Variants in EAF2 observed in about 807,000 individuals in gnomAD.
EAF2 encodes the protein ELL associated factor 2, also known as ELL-associated factor 2.
Under a neutral mutation model 29.4 loss-of-function variants are expected in EAF2, and 29 were observed. The ratio of observed to expected loss-of-function variants is 0.99; its 90% CI spans 0.73 to 1.35. The LOEUF (loss-of-function observed/expected upper bound fraction) is 1.35, where lower values mean the gene tolerates loss of function less well. Among genes scored for constraint, EAF2 ranks in the 40% most tolerant of loss-of-function variants. The probability of loss-of-function intolerance (pLI) is 0.00; values close to 1 mark genes in which losing one functional copy is unlikely to be tolerated. For synonymous variants in EAF2, 103 were observed against 102.5 expected, an observed-to-expected ratio of 1.00 and a Z score of -0.03; for missense variants, 292 against 312.0, an observed-to-expected ratio of 0.94 and a Z score of 0.48.
chr3:121,857,551 C>G (rs1230677967), intron 4 of EAF2, among the ~76,000 whole-genome samples: 2 of 151,170 alleles, frequency 1.3e-5, no homozygotes, highest in Non-Finnish European at 2.9e-5. Context: ...AACAGTGGTA[C>G]TAATTATAAA....
At chr3:121,855,007 C>T (rs138727318) in intron 3 of EAF2, among the ~76,000 whole-genome samples, 184 bp downstream of exon 3, 18 of 152,220 alleles carry the variant, frequency 1.2e-4, no homozygotes, top group African/African-American at 4.3e-4. Context: ...CCACATTACC[C>T]TGTGATATAT....
At chr3:121,851,962 G>C (rs1397314731) in intron 2 of EAF2, among the ~76,000 whole-genome samples, 2 of 152,114 alleles carry the variant, frequency 1.3e-5, no homozygotes, top group African/African-American at 4.8e-5. Context: ...TTAAAAGTTA[G>C]GAATGGTGTT....
chr3:121,879,603 CT>C (rs1709156928), intron 5 of EAF2, among the ~76,000 whole-genome samples: 1 of 117,850 alleles, frequency 8.5e-6, no homozygotes, highest in African/African-American at 3.0e-5. Flanking sequence ...TTTTTCTTTT[CT>C]TTTCTTTCTT....
intron 4 of EAF2, among the ~76,000 whole-genome samples, chr3:121,862,339 G>A (rs1454862044): frequency 6.6e-6 from 1 of 152,248 alleles, no homozygotes; most frequent in East Asian, 1.9e-4. Flanking sequence ...TTTTCACATT[G>A]TCCCGTATTC....
chr3:121,868,325 G>A (rs1427818853), intron 4 of EAF2, among the ~76,000 whole-genome samples: 2 of 152,134 alleles, frequency 1.3e-5, no homozygotes, highest in Admixed American at 6.5e-5. Context: ...TAGGCCAGGC[G>A]CAGTGGCTCA....
chr3:121,840,515 A>AAAAAAAAAAAAAAAAAAAAC (rs1167466790), intron 1 of EAF2, among the ~76,000 whole-genome samples: 14 of 97,952 alleles, frequency 1.4e-4, no homozygotes, highest in South Asian at 3.5e-4. Flanking sequence ...AAAAGAAAAA[A>AAAAAAAAAAAAAAAAAAAAC]AAAAAACGGG....
At position 121,848,663 on chromosome 3, in the gene EAF2, G is replaced by T. The variant is rs568315537; in HGVS notation, c.201+4116G>T. 2.0e-5 allele frequency among the ~76,000 whole-genome samples: 3 copies of T among 152,152 alleles called. No individual in the cohort carries two copies. In the East Asian group the frequency reaches 5.8e-4, roughly 29 times the overall value. The stretch of plus-strand genomic sequence containing the variant: ...CATATAGCTTTGGGATTTTGAATTG[G>T]TAAATATTCATGATGTGTGAAAAAT... On this transcript the variant is annotated intron_variant, in intron 2 of 5. Coordinates refer to ENST00000273668, the MANE Select transcript of EAF2 (RefSeq NM_018456.6).
chr3:121,873,149 G>A (rs1414945343), intron 5 of EAF2: 8 of 628,248 alleles, frequency 1.3e-5, no homozygotes, highest in African/African-American at 5.6e-5. Flanking sequence ...CAATACTTAT[G>A]TGTAGGTAAC....
At chr3:121,885,058 T>G (rs1182834710) in intron 5 of EAF2, among the ~76,000 whole-genome samples, 1 of 152,200 alleles carries the variant, frequency 6.6e-6, no homozygotes, top group Non-Finnish European at 1.5e-5. Context: ...ATTTGGGTAT[T>G]TACTAGGTAT....
At chr3:121,883,777 A>G (rs1709230389) in intron 5 of EAF2, among the ~76,000 whole-genome samples, 2 of 152,226 alleles carry the variant, frequency 1.3e-5, no homozygotes, top group Admixed American at 1.3e-4. Context: ...ATATATTTCT[A>G]TGGGTAAACT....
chr3:121,868,962 T>C (rs974345601), intron 4 of EAF2, among the ~76,000 whole-genome samples: 3 of 152,180 alleles, frequency 2.0e-5, no homozygotes, highest in African/African-American at 7.2e-5. Context: ...ATAGACCATA[T>C]CCTGGGCCAT....
intron 1 of EAF2, chr3:121,836,206 G>A (rs1708276297): frequency 6.6e-6 from 1 of 152,188 alleles, no homozygotes; most frequent in South Asian, 2.1e-4. Context: ...GAGCGGGAAG[G>A]AAACTTCAAG....
intron 5 of EAF2, among the ~76,000 whole-genome samples, chr3:121,874,797 A>G (rs754624242): frequency 4.6e-5 from 7 of 151,992 alleles, no homozygotes; most frequent in Non-Finnish European, 1.0e-4. Flanking sequence ...AAACCCAGAC[A>G]TGGCCAGAAT....
chr3:121,882,597 A>G (rs951253687), intron 5 of EAF2, among the ~76,000 whole-genome samples: 1 of 152,046 alleles, frequency 6.6e-6, no homozygotes, highest in Non-Finnish European at 1.5e-5. Flanking sequence ...ATGATATAAG[A>G]ATTGGAAACA....
chr3:121,839,983 A>G (rs1256992941), intron 1 of EAF2, among the ~76,000 whole-genome samples: 1 of 150,510 alleles, frequency 6.6e-6, no homozygotes, highest in Non-Finnish European at 1.5e-5. Context: ...CACGAAAGTC[A>G]GCAATTCAAG....
intron 1 of EAF2, among the ~76,000 whole-genome samples, chr3:121,843,587 A>C (rs7627354): frequency 0.37 from 56,000 of 151,892 alleles, 10,847 homozygotes; most frequent in African/African-American, 0.43. Flanking sequence ...TGTATATATA[A>C]CACAGGGAAC....
At chr3:121,858,451 G>A (rs1322212303) in intron 4 of EAF2, among the ~76,000 whole-genome samples, 9 of 152,194 alleles carry the variant, frequency 5.9e-5, no homozygotes, top group Admixed American at 5.2e-4. Context: ...GTGTCTGTTG[G>A]CTGCATAAAT....
At chr3:121,850,729 C>G (rs1429146592) in intron 2 of EAF2, among the ~76,000 whole-genome samples, 1 of 152,156 alleles carries the variant, frequency 6.6e-6, no homozygotes, top group Non-Finnish European at 1.5e-5. Context: ...CGGAGTCTCA[C>G]TCTGTCACCC....
chr3:121,877,205 ATG>A (rs938477789), intron 5 of EAF2, among the ~76,000 whole-genome samples: 14 of 151,672 alleles, frequency 9.2e-5, no homozygotes, highest in Admixed American at 2.0e-4. Context: ...TTCACTATGT[ATG>A]TGTGTGTGTG....
Sources: allele counts gnomAD v4.1 joint callset (sites outside exome capture counted in the v4.1 genomes callset), GRCh38; gene constraint gnomAD v4.1.1; transcripts MANE v1.5; gene names NCBI Gene and HGNC (gene_info 2026-07-23, HGNC 2026-07-21).